The following DLG1 variants were observed in gnomAD, a reference collection of about 807,000 sequenced individuals.
DLG1 encodes discs large MAGUK scaffold protein 1, also known as disks large homolog 1.
Under a neutral mutation model 123.4 loss-of-function variants are expected in DLG1, and 42 were observed. The observed-to-expected ratio is 0.34, with a 90% CI of 0.27 to 0.44. DLG1 has a LOEUF of 0.44. Among genes scored for constraint, DLG1 ranks in the 20% least tolerant of loss-of-function variants. The pLI is 1.00. For synonymous variants in DLG1, 317 were observed against 356.2 expected (o/e 0.89, Z 1.24); for missense variants, 942 against 1,082.6 (o/e 0.87, Z 1.82).
chr3:197,251,101 C>T (rs912857330), intron 4 of DLG1, among the ~76,000 whole-genome samples: 1 of 150,920 alleles, frequency 6.6e-6, no homozygotes, highest in African/African-American at 2.4e-5. Flanking sequence ...TCTACAGATT[C>T]AGGGACAGGC....
chr3:197,095,558 T>C (rs1187416923), intron 14 of DLG1, among the ~76,000 whole-genome samples: 1 of 152,204 alleles, frequency 6.6e-6, no homozygotes, highest in East Asian at 1.9e-4. Context: ...ATCACAAATG[T>C]TATGTTCTAC....
chr3:197,277,466 A>C (rs1767032832), intron 4 of DLG1, among the ~76,000 whole-genome samples: 1 of 151,792 alleles, frequency 6.6e-6, no homozygotes, highest in East Asian at 1.9e-4. Flanking sequence ...TCTGCCTCCC[A>C]AGCAGCTGGA....
At chr3:197,241,648 T>C (rs1238051963) in intron 4 of DLG1, among the ~76,000 whole-genome samples, 1 of 152,082 alleles carries the variant, frequency 6.6e-6, no homozygotes, top group Non-Finnish European at 1.5e-5. Flanking sequence ...AATATAAAAA[T>C]AGATAAACTG....
At chr3:197,275,185 C>CAAA (rs59857108) in intron 4 of DLG1, among the ~76,000 whole-genome samples, 16,702 of 123,632 alleles carry the variant, frequency 0.14, 1,362 homozygotes, top group South Asian at 0.33. Flanking sequence ...GACTCTGTCT[C>CAAA]AAAAAAAAAA....
At chr3:197,195,131 G>C (rs1240381681) in intron 4 of DLG1, among the ~76,000 whole-genome samples, 3 of 151,626 alleles carry the variant, frequency 2.0e-5, no homozygotes, top group Admixed American at 2.0e-4. Flanking sequence ...ACACCAAGCT[G>C]AGAAGGCCTA....
At chr3:197,175,482 T>C (rs973767012) in intron 5 of DLG1, among the ~76,000 whole-genome samples, 1 of 152,204 alleles carries the variant, frequency 6.6e-6, no homozygotes, top group Admixed American at 6.6e-5. Context: ...TTCACAACTT[T>C]ACAAAATCTG....
chr3:197,097,650 G>A (rs13317398), intron 14 of DLG1, among the ~76,000 whole-genome samples: 39,306 of 146,522 alleles, frequency 0.27, 5,933 homozygotes, highest in East Asian at 0.72. Flanking sequence ...GCGCGATCTC[G>A]GCTCACTGCA....
At chr3:197,201,338 C>T (rs946228066) in intron 4 of DLG1, among the ~76,000 whole-genome samples, 1 of 152,188 alleles carries the variant, frequency 6.6e-6, no homozygotes, top group African/African-American at 2.4e-5. Flanking sequence ...GAGCCAAGAT[C>T]GCGCCACTGC....
chr3:197,298,607 G>A lies in DLG1; in HGVS notation c.-103C>T, dbSNP rs1778596123. On this transcript the variant is annotated 5_prime_UTR_variant, in exon 1 of 25. Coordinates refer to ENST00000667157, the MANE Select transcript of DLG1 (RefSeq NM_001366207.1). ...GGCAGAGACAGCGCCTGGCGACCCC[G>A]GGGGTAGATCCCCACCGGGGAAAAG... 2.5e-5 allele frequency: 10 copies of A among 398,558 alleles called. No homozygotes were observed. Among genetic ancestry groups the A allele is most frequent in the Non-Finnish European group, 4.4e-5 (10 of 226,090 alleles). The allele number at this position is 398,558 out of a possible 1,614,324, so 24.7% of individuals were successfully genotyped here. A position where few individuals can be genotyped will look rare whatever the true frequency, so the allele number is the denominator to read the frequency against.
At position 197,104,678 on chromosome 3, in the gene DLG1, G is replaced by A. The variant is rs377610768; in HGVS notation, c.1546+225C>T. Among the ~76,000 whole-genome samples the A allele has an allele frequency of 4.6e-5, 7 of 151,630 alleles. No individual in the cohort carries two copies. In the East Asian group the frequency reaches 9.7e-4, roughly 21 times the overall value. On this transcript the variant is annotated intron_variant, in intron 14 of 24. Transcript: ENST00000667157. ...GCCTGGGCAGTAAGAGTGGAACCCCGTCTCAACAAACAAAAAACAAAAACC... is the reference window on the plus strand; with the variant it reads ...GCCTGGGCAGTAAGAGTGGAACCCCATCTCAACAAACAAAAAACAAAAACC...
chr3:197,291,871 A>G (rs561677259), intron 3 of DLG1, among the ~76,000 whole-genome samples: 1 of 152,360 alleles, frequency 6.6e-6, no homozygotes, highest in African/African-American at 2.4e-5. Context: ...AAAGTGCTCA[A>G]TAAATGTTGG....
At chr3:197,116,160 G>T in intron 12 of DLG1, 77 bp from the exon 13 acceptor site, 1 of 1,151,828 alleles carries the variant, frequency 8.7e-7, no homozygotes, top group Non-Finnish European at 1.2e-6. Context: ...ACTACCTACT[G>T]ATAATTTTTA....
rs149902138 is a variant in DLG1 at position 197,198,227 on chromosome 3, C to T, written c.319-3638G>A. Among the ~76,000 whole-genome samples, 1,283 of 152,272 alleles carry T rather than the reference C, an allele frequency of 8.4e-3. 18 individuals carry two copies. Among genetic ancestry groups the T allele is most frequent in the African/African-American group, 0.029 (1,215 of 41,552 alleles). ...CAAAGGGGCCAGGTGCGGTGGCTCA[C>T]GCCTGTAATCCCAGCCTTTCGGGAG... is the stretch of plus-strand genomic sequence containing the variant. On this transcript the variant is annotated intron_variant, in intron 4 of 24. Transcript: ENST00000667157.
At chr3:197,068,649 TA>T (rs1430289107) in intron 19 of DLG1, 2 of 665,878 alleles carry the variant, frequency 3.0e-6, no homozygotes, top group Non-Finnish European at 5.2e-6. Flanking sequence ...AAGTCTGTTT[TA>T]AAACATCACA....
intron 4 of DLG1, among the ~76,000 whole-genome samples, chr3:197,257,083 GT>G (rs1277478765): frequency 6.6e-6 from 1 of 151,914 alleles, no homozygotes; most frequent in African/African-American, 2.4e-5. Context: ...AAAATTTGAA[GT>G]CTTTTAAAAA....
intron 4 of DLG1, among the ~76,000 whole-genome samples, chr3:197,216,539 T>C (rs1734213258): frequency 6.6e-6 from 1 of 152,182 alleles, no homozygotes; most frequent in Non-Finnish European, 1.5e-5. Flanking sequence ...CACCAACAAG[T>C]TGTGACAATA....
chr3:197,195,941 GA>G (rs530982216), intron 4 of DLG1, among the ~76,000 whole-genome samples: 36 of 147,682 alleles, frequency 2.4e-4, no homozygotes, highest in Middle Eastern at 3.5e-3. Context: ...TTTAGTGAGA[GA>G]AAAAAAAAAT....
chr3:197,258,975 A>T (rs1758117975), intron 4 of DLG1, among the ~76,000 whole-genome samples: 1 of 152,220 alleles, frequency 6.6e-6, no homozygotes, highest in Non-Finnish European at 1.5e-5. Context: ...TTTTTTAAGC[A>T]AAATAGACCC....
chr3:197,195,521 T>C (rs1018360352), intron 4 of DLG1, among the ~76,000 whole-genome samples: 3 of 152,144 alleles, frequency 2.0e-5, no homozygotes, highest in Non-Finnish European at 4.4e-5. Context: ...ATGTGGTACA[T>C]ATACACCACA....
Sources: gnomAD v4.1 joint callset for allele counts (sites outside exome capture counted in the v4.1 genomes callset) on GRCh38, gnomAD v4.1.1 for gene constraint, MANE v1.5 for transcripts, NCBI Gene and HGNC (gene_info 2026-07-23, HGNC 2026-07-21) for gene names.